The following NAV3 variants were observed in gnomAD, a reference collection of about 807,000 sequenced individuals.
NAV3 encodes neuron navigator 3.
NAV3 carries 87 observed loss-of-function variants against 244.7 expected under a neutral mutation model. The ratio of observed to expected loss-of-function variants is 0.36; its 90% confidence interval spans 0.30 to 0.42. NAV3 has a LOEUF of 0.42. NAV3 is among the 20% of genes least tolerant of loss of function. The pLI, the probability that NAV3 is intolerant of heterozygous loss-of-function variation, is 1.00. For missense variants in NAV3, 2,663 were observed against 2,893.3 expected (o/e 0.92, Z 1.83); for synonymous variants, 1,126 against 1,042.2 (o/e 1.08, Z -1.55).
intron 1 of NAV3, among the ~76,000 whole-genome samples, chr12:77,912,063 C>T (rs1021959162): frequency 6.6e-6 from 1 of 152,012 alleles, no homozygotes; most frequent in Non-Finnish European, 1.5e-5. Context: ...GCAAGCATTC[C>T]TTGAGGCAAG....
At chr12:77,621,762 G>A (rs959508832) in intron 2 of NAV3, among the ~76,000 whole-genome samples, 6 of 152,100 alleles carry the variant, frequency 3.9e-5, no homozygotes, top group African/African-American at 1.2e-4. Flanking sequence ...ACAGGCATGA[G>A]CCACTGCACC....
intron 2 of NAV3, among the ~76,000 whole-genome samples, chr12:77,707,369 C>T (rs947512158): frequency 5.9e-5 from 9 of 152,192 alleles, no homozygotes; most frequent in African/African-American, 2.2e-4. Context: ...TCATCCATGT[C>T]CCTACAAAGG....
At chr12:77,769,440 A>G (rs1869958240) in intron 2 of NAV3, among the ~76,000 whole-genome samples, 1 of 152,216 alleles carries the variant, frequency 6.6e-6, no homozygotes, top group Non-Finnish European at 1.5e-5. Flanking sequence ...CACAATAGTG[A>G]CTGTATTTGA....
intron 2 of NAV3, among the ~76,000 whole-genome samples, chr12:77,807,475 C>A (rs141666616): frequency 1.3e-5 from 2 of 152,312 alleles, no homozygotes; most frequent in East Asian, 1.9e-4. Context: ...GTTGAAAATT[C>A]TTTTCTGTAA....
chr12:77,892,791 G>A (rs1208485473), intron 1 of NAV3, among the ~76,000 whole-genome samples: 2 of 152,066 alleles, frequency 1.3e-5, no homozygotes, highest in African/African-American at 2.4e-5. Flanking sequence ...CCTATTAAAC[G>A]TCATTTCCTT....
intron 2 of NAV3, among the ~76,000 whole-genome samples, chr12:77,811,545 A>G (rs1317980895): frequency 6.6e-6 from 1 of 152,212 alleles, no homozygotes; most frequent in Non-Finnish European, 1.5e-5. Flanking sequence ...AATTTATTTA[A>G]TCTTCCACAT....
intron 2 of NAV3, among the ~76,000 whole-genome samples, chr12:77,735,675 A>G (rs1301451471): frequency 6.6e-6 from 1 of 152,138 alleles, no homozygotes; most frequent in African/African-American, 2.4e-5. Context: ...GGAAAGACAT[A>G]TTGTAAAAAT....
intron 2 of NAV3, among the ~76,000 whole-genome samples, chr12:77,810,178 T>G (rs1425756250): frequency 6.6e-6 from 1 of 151,640 alleles, no homozygotes; most frequent in Non-Finnish European, 1.5e-5. Context: ...GTTTGTGTGT[T>G]TGTTTGTTTT....
intron 36 of NAV3, chr12:78,199,057 C>A: frequency 1.8e-6 from 1 of 569,654 alleles, no homozygotes; most frequent in Non-Finnish European, 3.3e-6. Context: ...ATTTGTGATT[C>A]TCCTACAGAA....
intron 2 of NAV3, among the ~76,000 whole-genome samples, chr12:77,804,587 T>C (rs540473560): frequency 6.6e-6 from 1 of 152,336 alleles, no homozygotes; most frequent in African/African-American, 2.4e-5. Flanking sequence ...TGTAGTATAG[T>C]TTGAAGTCAC....
intron 2 of NAV3, among the ~76,000 whole-genome samples, chr12:77,663,652 G>T (rs1873578847): frequency 6.6e-6 from 1 of 151,918 alleles, no homozygotes; most frequent in South Asian, 2.1e-4. Context: ...CTCCCAAGTA[G>T]CTGGAATTAC....
intron 12 of NAV3, among the ~76,000 whole-genome samples, chr12:78,094,243 G>A (rs1954115061): frequency 6.6e-6 from 1 of 152,122 alleles, no homozygotes; most frequent in Non-Finnish European, 1.5e-5. Flanking sequence ...TTAACTGAAA[G>A]CACTGTAACA....
At chr12:77,824,887 G>A (rs1031604533) in intron 2 of NAV3, among the ~76,000 whole-genome samples, 11 of 134,770 alleles carry the variant, frequency 8.2e-5, no homozygotes, top group South Asian at 2.4e-4. Flanking sequence ...ACAAGACTCC[G>A]TCTCAAAAAC....
At chr12:77,658,099 T>C (rs1164164919) in intron 2 of NAV3, among the ~76,000 whole-genome samples, 2 of 152,032 alleles carry the variant, frequency 1.3e-5, no homozygotes, top group Non-Finnish European at 2.9e-5. Context: ...TGTTGGAAGT[T>C]CTGGCCAGGG....
chr12:78,109,054 C>T (rs576487854), intron 12 of NAV3, among the ~76,000 whole-genome samples: 10 of 151,682 alleles, frequency 6.6e-5, no homozygotes, highest in Admixed American at 3.3e-4. Context: ...ATTGATAAAC[C>T]ACTAGATAGA....
intron 2 of NAV3, among the ~76,000 whole-genome samples, chr12:77,667,714 A>G (rs1873780511): frequency 1.3e-5 from 2 of 152,032 alleles, no homozygotes; most frequent in African/African-American, 4.8e-5. Context: ...TGGTAGCTCT[A>G]TGGCCCTGTC....
chr12:77,623,118 A>G (rs1345532545), intron 2 of NAV3, among the ~76,000 whole-genome samples: 2 of 152,214 alleles, frequency 1.3e-5, no homozygotes, highest in Non-Finnish European at 2.9e-5. Flanking sequence ...ATGTCTTGGT[A>G]TAGGATGGAC....
chr12:77,938,616 T>A lies in NAV3; in HGVS notation c.244-1703T>A, dbSNP rs141437650. 2.0e-5 allele frequency among the ~76,000 whole-genome samples: 3 copies of A among 152,292 alleles called. No homozygotes were observed. In the East Asian group the frequency reaches 5.8e-4, roughly 29 times the overall value. On this transcript the variant is annotated intron_variant, in intron 1 of 39. Coordinates refer to ENST00000397909, the MANE Select transcript of NAV3 (RefSeq NM_001024383.2). ...TTTCTTCTGTGTTGTAATCTTGTGATATTTAGACCCAAGATTCATTCAAAA... is the reference window on the plus strand; with the variant it reads ...TTTCTTCTGTGTTGTAATCTTGTGAAATTTAGACCCAAGATTCATTCAAAA...
At chr12:77,928,480 G>A (rs1271118207) in intron 1 of NAV3, among the ~76,000 whole-genome samples, 5 of 152,064 alleles carry the variant, frequency 3.3e-5, no homozygotes, top group African/African-American at 1.2e-4. Flanking sequence ...TGTCTGACCT[G>A]TTCCCGACCC....
Sources: allele counts gnomAD v4.1 joint callset (sites outside exome capture counted in the v4.1 genomes callset), GRCh38; gene constraint gnomAD v4.1.1; transcripts MANE v1.5; gene names NCBI Gene and HGNC (gene_info 2026-07-23, HGNC 2026-07-21).